BBOF1: variants seen among roughly 807,000 people sequenced by gnomAD.
BBOF1 encodes basal body orientation factor 1, also known as basal body-orientation factor 1.
In BBOF1, 62 loss-of-function variants were observed where a neutral mutation model predicts 68.0. The observed-to-expected ratio is 0.91, with a 90% CI of 0.74 to 1.13. BBOF1 has a LOEUF of 1.13. Ranked by LOEUF, BBOF1 falls within the 50% of genes most tolerant of loss-of-function variation. BBOF1 has a pLI of 0.00. For missense variants in BBOF1, 534 were observed against 600.1 expected, an observed-to-expected ratio of 0.89 and a Z score of 1.15; for synonymous variants, 208 against 198.8, an observed-to-expected ratio of 1.05 and a Z score of -0.39.
At chr14:74,068,927 G>A, downstream of BBOF1, 1 of 1,613,934 alleles carries the variant, frequency 6.2e-7, no homozygotes, top group Non-Finnish European at 8.5e-7. Context: ...TGCCTTGTTG[G>A]ATCCCACAAA....
rs113006129 is a variant in BBOF1 at position 74,026,921 on chromosome 14, T to G, written c.286-2263T>G. Among the ~76,000 whole-genome samples, 296 of 147,530 alleles carry G rather than the reference T, an allele frequency of 2.0e-3. 2 individuals are homozygous for G. The highest frequency in any genetic ancestry group is 7.1e-3 in the African/African-American group (284 of 39,800). On this transcript the variant is annotated intron_variant, in intron 2 of 11. Transcript: ENST00000394009. ...CCCTCAGGGACAGAGTGAGACTCCA[T>G]CTCAAAAGGAAAAAAAAAAAATGGC...
chr14:74,071,135 A>C (rs1259244917), intron 9 of BBOF1: 1 of 1,479,914 alleles, frequency 6.8e-7, no homozygotes, highest in Non-Finnish European at 9.4e-7. Flanking sequence ...TCCAACCATC[A>C]CTCAACACCT....
chr14:74,037,120 G>A (rs1212828281), intron 4 of BBOF1, among the ~76,000 whole-genome samples: 6 of 149,446 alleles, frequency 4.0e-5, no homozygotes, highest in Non-Finnish European at 8.9e-5. Context: ...CTATAGGCAC[G>A]TGCCACCATG....
chr14:74,074,237 A>G (rs1414885971), intron 9 of BBOF1, among the ~76,000 whole-genome samples: 1 of 151,582 alleles, frequency 6.6e-6, no homozygotes, highest in Non-Finnish European at 1.5e-5. Flanking sequence ...TCAGCCTCCC[A>G]AAGTGCTGGG....
At chr14:74,022,217 A>T (rs186117100) in intron 1 of BBOF1, among the ~76,000 whole-genome samples, 2 of 152,266 alleles carry the variant, frequency 1.3e-5, no homozygotes, top group East Asian at 1.9e-4. Flanking sequence ...TATTAAAAAA[A>T]AAATAAATAT....
chr14:74,043,269 G>A (rs189555346), intron 5 of BBOF1, among the ~76,000 whole-genome samples: 5 of 151,730 alleles, frequency 3.3e-5, no homozygotes, highest in East Asian at 3.9e-4. Flanking sequence ...AGACAGAGTC[G>A]GCCAGGCGCG....
chr14:74,032,359 T>G (rs1393128230), intron 3 of BBOF1, among the ~76,000 whole-genome samples: 1 of 151,802 alleles, frequency 6.6e-6, no homozygotes, highest in Non-Finnish European at 1.5e-5. Flanking sequence ...ACTCCTGACC[T>G]CAAGTGATCC....
In BBOF1 at chr14:74,022,951, G is replaced by C; in HGVS notation, c.92G>C (p.Arg31Thr). 6.2e-7 allele frequency: 1 copy of C among 1,613,296 alleles called. No individual in the cohort carries two copies. The highest frequency in any genetic ancestry group is 8.5e-7 in the Non-Finnish European group (1 of 1,179,562). The change falls in exon 2 of 12, where the codon AGA (arginine) becomes ACA (threonine). Residue 31 changes from arginine to threonine, a missense_variant. Coordinates refer to ENST00000394009, the MANE Select transcript of BBOF1 (RefSeq NM_025057.3). ...AAAACAGATGAATCTGTGGTGGACA[G>C]AGCCAAGGCCAATGCCTCCCTTTGG... Reference protein sequence around the residue: ...LIKTDESVVDRAKANASLWEA... With the variant: ...LIKTDESVVDTAKANASLWEA...
chr14:74,067,308 G>A (rs2060482252), downstream of BBOF1: 11 of 1,547,772 alleles, frequency 7.1e-6, no homozygotes, highest in Non-Finnish European at 9.8e-6. Flanking sequence ...ACTGGCCAAG[G>A]CCAGTGACAG....
intron 2 of BBOF1, among the ~76,000 whole-genome samples, chr14:74,026,444 CAAAAAAA>C (rs1166375665): frequency 9.4e-4 from 31 of 33,084 alleles, no homozygotes; most frequent in Admixed American, 3.4e-3. Context: ...AACTCCATCT[CAAAAAAA>C]AAAAAAAAAA....
chr14:74,069,191 G>T (rs1346496259), downstream of BBOF1: 1 of 424,842 alleles, frequency 2.4e-6, no homozygotes, highest in African/African-American at 2.4e-5. Flanking sequence ...TGCAACCTCC[G>T]CCTCCCAGGT....
At chr14:74,023,920 C>T (rs542552112) in intron 2 of BBOF1, among the ~76,000 whole-genome samples, 6 of 125,888 alleles carry the variant, frequency 4.8e-5, no homozygotes, top group East Asian at 2.3e-4. Context: ...CGAGAGACTC[C>T]ATCTCAAAAA....
At chr14:74,042,879 G>GACACACACACACACACACACACAGAC (rs2059856894) in intron 5 of BBOF1, among the ~76,000 whole-genome samples, 90 of 143,760 alleles carry the variant, frequency 6.3e-4, no homozygotes, top group Non-Finnish European at 2.0e-4. Flanking sequence ...CACACACACA[G>GACACACACACACACACACACACAGAC]ACACACACAC....
At chr14:74,026,004 G>A (rs1001456241) in intron 2 of BBOF1, among the ~76,000 whole-genome samples, 1 of 151,886 alleles carries the variant, frequency 6.6e-6, no homozygotes, top group Non-Finnish European at 1.5e-5. Flanking sequence ...AGCTAGGCAT[G>A]GTGGTGCGTG....
chr14:74,074,303 T>C (rs1356839856), intron 9 of BBOF1, among the ~76,000 whole-genome samples: 4 of 149,856 alleles, frequency 2.7e-5, no homozygotes, highest in Non-Finnish European at 5.9e-5. Flanking sequence ...TTTTTTTTTT[T>C]TTGAAACGGA....
Position 74,065,554 on chromosome 14 carries a change from CAT to C in BBOF1, c.*859_*860del. The C allele has an allele frequency of 1.7e-6, 1 of 593,128 alleles. No individual in the cohort carries two copies. The allele number at this position is 593,128 out of a possible 1,614,324, so 36.7% of individuals were successfully genotyped here. ...GTATTCCGTCTTCCAAGTTACCAAT[CAT>C]ATAAACAACTTGGAATTCCTATCAA... On this transcript the variant is annotated 3_prime_UTR_variant, in exon 12 of 12. Transcript: ENST00000394009.
intron 3 of BBOF1, among the ~76,000 whole-genome samples, chr14:74,031,064 C>T (rs1595026073): frequency 6.6e-6 from 1 of 151,264 alleles, no homozygotes; most frequent in Non-Finnish European, 1.5e-5. Flanking sequence ...TAACAGTATG[C>T]CTTGGTGATC....
intron 4 of BBOF1, among the ~76,000 whole-genome samples, chr14:74,037,555 G>C (rs545654167): frequency 9.3e-5 from 14 of 150,404 alleles, no homozygotes; most frequent in African/African-American, 3.4e-4. Flanking sequence ...CTCACAAAGT[G>C]CTAGGCTTAC....
At position 74,050,396 on chromosome 14, in the gene BBOF1, GTA is replaced by G. The variant is rs573100030; in HGVS notation, c.1286+205_1286+206del. Among the ~76,000 whole-genome samples the G allele has an allele frequency of 1.8e-3, 278 of 152,220 alleles. 2 individuals are homozygous for G. Among genetic ancestry groups the G allele is most frequent in the African/African-American group, 6.5e-3 (268 of 41,548 alleles). Reference sequence around the variant, plus strand: ...ATGTGGGGCTTTGGACGTATTCTTAGTATATTCCCCTCTGTCTCATGATAGAA... The same window carrying G: ...ATGTGGGGCTTTGGACGTATTCTTAGTATTCCCCTCTGTCTCATGATAGAA... On this transcript the variant is annotated intron_variant, in intron 8 of 11. Transcript: ENST00000394009.
Sources: allele counts gnomAD v4.1 joint callset (sites outside exome capture counted in the v4.1 genomes callset), GRCh38; gene constraint gnomAD v4.1.1; transcripts MANE v1.5; gene names NCBI Gene and HGNC (gene_info 2026-07-23, HGNC 2026-07-21).